Variants in PRRC2B observed in about 807,000 individuals in gnomAD.
PRRC2B encodes the protein protein PRRC2B.
Under a neutral mutation model 242.3 loss-of-function variants are expected in PRRC2B, and 68 were observed. The ratio of observed to expected loss-of-function variants is 0.28; its 90% CI spans 0.23 to 0.34. The LOEUF is 0.34. PRRC2B is among the 10% of genes least tolerant of loss of function. The pLI is 1.00. For synonymous variants in PRRC2B, 1,228 were observed against 1,173.6 expected, an observed-to-expected ratio of 1.05 and a Z score of -0.95; for missense variants, 2,835 against 2,954.8, an observed-to-expected ratio of 0.96 and a Z score of 0.94.
chr9:131,481,679 G>C, intron 19 of PRRC2B, 47 bp from the exon 20 acceptor site: 1 of 1,434,304 alleles, frequency 7.0e-7, no homozygotes, highest in East Asian at 2.5e-5. Flanking sequence ...AAACTCTCTA[G>C]ACGGGTTGCT....
Position 131,432,205 on chromosome 9 carries a change from C to T in PRRC2B, c.116-412C>T, listed in dbSNP as rs916310177. Among the ~76,000 whole-genome samples, 106 of 152,308 alleles carry T rather than the reference C, an allele frequency of 7.0e-4. 1 individual carries two copies. Among genetic ancestry groups the T allele is most frequent in the African/African-American group, 2.4e-3 (100 of 41,558 alleles). ...AGACTTCATGAATGTCGAAGGGCTCCTGTTCAGTCTTGTTTTGGATCTAGG... is the reference window on the plus strand; with the variant it reads ...AGACTTCATGAATGTCGAAGGGCTCTTGTTCAGTCTTGTTTTGGATCTAGG... On this transcript the variant is annotated intron_variant, in intron 2 of 31. Transcript: ENST00000683519.
chr9:131,401,431 G>C (rs1193605645), intron 1 of PRRC2B, among the ~76,000 whole-genome samples: 4 of 151,330 alleles, frequency 2.6e-5, no homozygotes, highest in Non-Finnish European at 4.4e-5. Context: ...GCCCAGGCTG[G>C]AGTGCAGTGG....
In PRRC2B at chr9:131,480,457, C is replaced by T. The variant is rs146626168; in HGVS notation, c.4900+1064C>T. The stretch of plus-strand genomic sequence containing the variant: ...CCAGGTGCCAGATTGGTTGAGCTGC[C>T]AGGTGTGAATCAGATGTGACTCTCA... On this transcript the variant is annotated intron_variant, in intron 19 of 31. Transcript: ENST00000683519. Among the ~76,000 whole-genome samples, 15 of 151,930 alleles carry T rather than the reference C, an allele frequency of 9.9e-5. 1 individual carries two copies. The highest frequency in any genetic ancestry group is 5.8e-4 in the East Asian group (3 of 5,186).
chr9:131,407,319 G>A (rs1435748204), intron 1 of PRRC2B, among the ~76,000 whole-genome samples: 1 of 152,112 alleles, frequency 6.6e-6, no homozygotes, highest in Non-Finnish European at 1.5e-5. Context: ...GAGATGGTGG[G>A]TGGGGGAGGA....
rs186622020 is a variant in PRRC2B at position 131,493,608 on chromosome 9, C to T, written c.6474-797C>T. Among the ~76,000 whole-genome samples, 83 of 152,368 alleles carry T rather than the reference C, an allele frequency of 5.4e-4. 1 individual carries two copies. The East Asian group carries it at 0.014, about 25-fold the overall frequency. ...ATATTTAGAAAGTGGAAGCCTTAAACTAGTAGCTTTGTTTCTATGGTGTTT... is the reference window on the plus strand; with the variant it reads ...ATATTTAGAAAGTGGAAGCCTTAAATTAGTAGCTTTGTTTCTATGGTGTTT... On this transcript the variant is annotated intron_variant, in intron 30 of 31. Coordinates refer to ENST00000683519, the MANE Select transcript of PRRC2B (RefSeq NM_013318.4).
chr9:131,485,028 C>G lies in PRRC2B; in HGVS notation c.5646C>G (p.Ile1882Met). ...CTCCAGGCGGCGCTGGCTCAGGCAT[C>G]CAGCCTCCATCCTCTGTGGGTGCCT... ...QSSPGGAGSG[I>M]QPPSSVGASS... is the part of the protein sequence containing the mutation. The change falls in exon 25 of 32, where the codon ATC (isoleucine) becomes ATG (methionine). Residue 1882 changes from isoleucine to methionine, a missense_variant. Around this residue, in one of 7 missense-constraint regions of PRRC2B, gnomAD observed 574 missense variants for 626.0 expected, o/e 0.92. Transcript: ENST00000683519. The G allele has an allele frequency of 6.2e-7, 1 of 1,612,768 alleles. No individual in the cohort carries two copies. Among genetic ancestry groups the G allele is most frequent in the Non-Finnish European group, 8.5e-7 (1 of 1,179,416 alleles).
chr9:131,395,192 G>A (rs1837013300), intron 1 of PRRC2B, among the ~76,000 whole-genome samples: 3 of 152,156 alleles, frequency 2.0e-5, no homozygotes, highest in Admixed American at 1.3e-4. Flanking sequence ...GGGCTGGGGA[G>A]TGTCTTTTGC....
intron 16 of PRRC2B, 76 bp downstream of exon 16, chr9:131,476,611 C>CCGATGCCGA (rs1943708439): frequency 7.4e-7 from 1 of 1,347,052 alleles, no homozygotes; most frequent in African/African-American, 1.5e-5. Flanking sequence ...CGCATGCATG[C>CCGATGCCGA]CGATGCCGCC....
Position 131,421,610 on chromosome 9 carries a change from G to A in PRRC2B, c.-51-8484G>A, listed in dbSNP as rs115783201. Among the ~76,000 whole-genome samples the A allele has an allele frequency of 2.9e-3, 443 of 152,254 alleles. 1 individual carries two copies. Among genetic ancestry groups the A allele is most frequent in the Middle Eastern group, 0.014 (4 of 294 alleles). On this transcript the variant is annotated intron_variant, in intron 1 of 31. Coordinates refer to ENST00000683519, the MANE Select transcript of PRRC2B (RefSeq NM_013318.4). ...TCTCTCTCACTGCCCCCAGCCTCACGGCCAGGGCACGTTGCAGCACTCATT... is the reference window on the plus strand; with the variant it reads ...TCTCTCTCACTGCCCCCAGCCTCACAGCCAGGGCACGTTGCAGCACTCATT...
chr9:131,382,599 C>G (rs182203388), intron 1 of PRRC2B, among the ~76,000 whole-genome samples: 1 of 151,702 alleles, frequency 6.6e-6, no homozygotes, highest in Non-Finnish European at 1.5e-5. Flanking sequence ...GCTGCTGGTT[C>G]GTTCGGACCC....
chr9:131,463,628 C>CTTTTTTTTTTTTTT (rs374951504), intron 11 of PRRC2B, among the ~76,000 whole-genome samples: 4 of 125,778 alleles, frequency 3.2e-5, no homozygotes, highest in Non-Finnish European at 4.8e-5. Context: ...TTTAGGCATG[C>CTTTTTTTTTTTTTT]TTTTTTTTTT....
Position 131,498,720 on chromosome 9 carries a change from T to C in PRRC2B, c.*2846T>C, listed in dbSNP as rs1183546623. 2.6e-5 allele frequency: 4 copies of C among 152,238 alleles called. No homozygotes were observed. The highest frequency in any genetic ancestry group is 4.8e-5 in the African/African-American group (2 of 41,436). 9.4% of individuals were successfully genotyped at this position (152,238 alleles called of 1,614,324 possible). On this transcript the variant is annotated 3_prime_UTR_variant, in exon 32 of 32. Transcript: ENST00000683519. Reference sequence around the variant, plus strand: ...CCCTTTCCTGCTGCTGAGGTAGGGATTGGGGGGTCAGAACCCACTCACTTT... The same window carrying C: ...CCCTTTCCTGCTGCTGAGGTAGGGACTGGGGGGTCAGAACCCACTCACTTT...
At chr9:131,389,002 G>A (rs540213288) in intron 1 of PRRC2B, among the ~76,000 whole-genome samples, 5 of 146,230 alleles carry the variant, frequency 3.4e-5, no homozygotes, top group Non-Finnish European at 6.0e-5. Context: ...CGCCACTCCT[G>A]GCAAATTTTT....
At chr9:131,375,157 C>G (rs927806648) in intron 1 of PRRC2B, among the ~76,000 whole-genome samples, 2 of 152,186 alleles carry the variant, frequency 1.3e-5, no homozygotes, top group African/African-American at 4.8e-5. Flanking sequence ...AATCCCAGCA[C>G]TTTGGGAGGC....
intron 1 of PRRC2B, among the ~76,000 whole-genome samples, chr9:131,397,750 G>A (rs1284672914): frequency 6.6e-6 from 1 of 151,892 alleles, no homozygotes; most frequent in Non-Finnish European, 1.5e-5. Context: ...CAATAATGAG[G>A]CTTCCCTACC....
intron 1 of PRRC2B, among the ~76,000 whole-genome samples, chr9:131,379,450 CTTG>C (rs1836727101): frequency 6.6e-6 from 1 of 152,090 alleles, no homozygotes; most frequent in African/African-American, 2.4e-5. Context: ...TTTGTCAACA[CTTG>C]TTATTTTCCA....
intron 1 of PRRC2B, among the ~76,000 whole-genome samples, chr9:131,383,327 G>A (rs992157205): frequency 6.6e-6 from 1 of 152,132 alleles, no homozygotes; most frequent in African/African-American, 2.4e-5. Flanking sequence ...ATTTGAAAGC[G>A]GCCAGTCCAA....
At position 131,482,652 on chromosome 9, in the gene PRRC2B, G is replaced by T; in HGVS notation, c.5176-58G>T. The T allele has an allele frequency of 1.3e-6, 2 of 1,520,160 alleles. No individual in the cohort carries two copies. The highest frequency in any genetic ancestry group is 1.8e-6 in the Non-Finnish European group (2 of 1,131,084). The allele number at this position is 1,520,160 out of a possible 1,614,324, so 94.2% of individuals were successfully genotyped here. A position where few individuals can be genotyped will look rare whatever the true frequency, so the allele number is the denominator to read the frequency against. ...TTCCTCAATTCCTGGGACAGTAGAA[G>T]CTAGAGAGTGTGGTCATTCCAGTCT... On this transcript the variant is annotated intron_variant, in intron 21 of 31. Coordinates refer to ENST00000683519, the MANE Select transcript of PRRC2B (RefSeq NM_013318.4). The surrounding 1 kb of genome is among the most constrained non-coding windows in gnomAD (Gnocchi z 5.2).
chr9:131,478,326 TAGATC>T (rs1339887770), intron 17 of PRRC2B, 143 bp from the exon 18 acceptor site: 1 of 769,770 alleles, frequency 1.3e-6, no homozygotes, highest in African/African-American at 1.7e-5. Context: ...AACAATGTGT[TAGATC>T]AGAGGCGGCC....
Sources: gnomAD v4.1 joint callset for allele counts (sites outside exome capture counted in the v4.1 genomes callset) on GRCh38, gnomAD v4.1.1 for gene constraint, gnomAD v4.1.1 regional missense constraint, Gnocchi (gnomAD v3.1) non-coding constraint, MANE v1.5 for transcripts, NCBI Gene and HGNC (gene_info 2026-07-23, HGNC 2026-07-21) for gene names.